The following CCDC171 variants were observed in gnomAD, a reference collection of about 807,000 sequenced individuals.
CCDC171 encodes the protein coiled-coil domain-containing protein 171.
In CCDC171, 177 loss-of-function variants were observed where a neutral mutation model predicts 168.2. That is an observed-to-expected ratio of 1.05 (90% CI 0.93 to 1.19). CCDC171 has a LOEUF of 1.19. CCDC171 is among the 50% of genes most tolerant of loss of function. The pLI is 0.00. For missense variants in CCDC171, 1,991 were observed against 1,539.0 expected, an observed-to-expected ratio of 1.29 and a Z score of -4.91; for synonymous variants, 687 against 540.8, an observed-to-expected ratio of 1.27 and a Z score of -3.75.
chr9:15,627,643 A>C (rs1260911167), intron 7 of CCDC171, among the ~76,000 whole-genome samples: 1 of 152,180 alleles, frequency 6.6e-6, no homozygotes, highest in Non-Finnish European at 1.5e-5. Context: ...TGAGTTTCTT[A>C]ATCCTGAGTT....
chr9:15,977,230 C>T (rs1033122950), downstream of CCDC171, among the ~76,000 whole-genome samples: 3 of 152,098 alleles, frequency 2.0e-5, no homozygotes, highest in African/African-American at 7.2e-5. Flanking sequence ...TTCTGAACCT[C>T]CCCCTGCATA....
chr9:15,820,394 A>G lies in CCDC171; in HGVS notation c.3268-26308A>G, dbSNP rs1381480809. Among the ~76,000 whole-genome samples the G allele has an allele frequency of 1.7e-5, 2 of 115,962 alleles. 1 individual carries two copies. Among genetic ancestry groups the G allele is most frequent in the Non-Finnish European group, 3.8e-5 (2 of 52,078 alleles). 76.1% of individuals were successfully genotyped at this position (115,962 alleles called of 152,430 possible). ...AAAAAACCCTTCAAAAAATCAATGA[A>G]TCCAGGAGCTGGTTTTTTGAAAAGA... On this transcript the variant is annotated intron_variant, in intron 21 of 25. Transcript: ENST00000380701.
rs117219156 is a variant in CCDC171, at chr9:15,917,720, A to G, written c.3601-2550A>G. Among the ~76,000 whole-genome samples the G allele has an allele frequency of 5.1e-3, 779 of 151,762 alleles. 4 individuals are homozygous for G. The highest frequency in any genetic ancestry group is 8.6e-3 in the Non-Finnish European group (584 of 67,650). On this transcript the variant is annotated intron_variant, in intron 24 of 25. Coordinates refer to ENST00000380701, the MANE Select transcript of CCDC171 (RefSeq NM_173550.4). Reference sequence around the variant, plus strand: ...TGTTTCTCCAAGGTTAGAAAATGGGATAACTTTTAAAATGTGGAACTTTTA... The same window carrying G: ...TGTTTCTCCAAGGTTAGAAAATGGGGTAACTTTTAAAATGTGGAACTTTTA...
intron 18 of CCDC171, among the ~76,000 whole-genome samples, chr9:15,753,940 C>A (rs2055926681): frequency 2.0e-5 from 3 of 152,104 alleles, no homozygotes; most frequent in Admixed American, 1.3e-4. Context: ...TATAACTTGA[C>A]CATCTGAGCT....
intron 24 of CCDC171, among the ~76,000 whole-genome samples, chr9:15,905,521 C>T (rs1409206807): frequency 4.6e-5 from 7 of 152,042 alleles, no homozygotes; most frequent in South Asian, 4.2e-4. Flanking sequence ...ACATTCAAAG[C>T]AGTGTGTAGA....
chr9:15,997,429 A>C (rs1334107639), intron 3 of CCDC171, among the ~76,000 whole-genome samples: 2 of 152,182 alleles, frequency 1.3e-5, no homozygotes, highest in Non-Finnish European at 2.9e-5. Flanking sequence ...CACTTTTTGC[A>C]GCTAAAAAAT....
intron 4 of CCDC171, among the ~76,000 whole-genome samples, chr9:15,587,047 A>T (rs2041619524): frequency 1.3e-5 from 2 of 152,300 alleles, no homozygotes; most frequent in South Asian, 2.1e-4. Flanking sequence ...CCTTGGCCAC[A>T]ATCAATCCTC....
At chr9:15,571,113 C>T (rs368221303) in intron 2 of CCDC171, among the ~76,000 whole-genome samples, 1 of 152,164 alleles carries the variant, frequency 6.6e-6, no homozygotes, top group African/African-American at 2.4e-5. Flanking sequence ...TTTCAGCTTC[C>T]AGTAATTGGT....
chr9:15,703,471 A>AT (rs1041032332), intron 11 of CCDC171, among the ~76,000 whole-genome samples: 17 of 151,318 alleles, frequency 1.1e-4, no homozygotes, highest in Non-Finnish European at 2.1e-4. Context: ...CATGAGATCA[A>AT]TTTTTTTTTA....
At chr9:16,059,409 C>G (rs1003750979) in intron 1 of CCDC171, among the ~76,000 whole-genome samples, 5 of 151,820 alleles carry the variant, frequency 3.3e-5, no homozygotes, top group Admixed American at 6.6e-5. Flanking sequence ...AGAGGACTTC[C>G]ACACTGTGAG....
At position 15,839,394 on chromosome 9, in the gene CCDC171, A is replaced by G. The variant is rs115584174; in HGVS notation, c.3268-7308A>G. 5.8e-3 allele frequency among the ~76,000 whole-genome samples: 886 copies of G among 152,278 alleles called. 12 individuals are homozygous for G. Among genetic ancestry groups the G allele is most frequent in the African/African-American group, 0.021 (855 of 41,564 alleles). ...AAAATCTGAAGACGTTGTTACTAAT[A>G]CTACTGTAGTACAGAGTTTAGAGGA... is the stretch of plus-strand genomic sequence containing the variant. On this transcript the variant is annotated intron_variant, in intron 21 of 25. Coordinates refer to ENST00000380701, the MANE Select transcript of CCDC171 (RefSeq NM_173550.4).
chr9:16,050,088 T>C (rs916770435), intron 1 of CCDC171, among the ~76,000 whole-genome samples: 1 of 152,130 alleles, frequency 6.6e-6, no homozygotes, highest in Non-Finnish European at 1.5e-5. Flanking sequence ...AGTTTTGCCA[T>C]GTTGGCCAGG....
intron 6 of CCDC171, among the ~76,000 whole-genome samples, chr9:15,611,445 A>G (rs10962099): frequency 0.41 from 62,537 of 152,000 alleles, 14,613 homozygotes; most frequent in East Asian, 0.76. Context: ...CCTTGCATTG[A>G]ATTAGGGAAC....
chr9:15,639,967 A>G (rs2046472629), intron 7 of CCDC171, among the ~76,000 whole-genome samples: 1 of 152,204 alleles, frequency 6.6e-6, no homozygotes, highest in Non-Finnish European at 1.5e-5. Flanking sequence ...AAATGCTTAT[A>G]GATGTGTCAG....
At chr9:15,666,470 A>G (rs1387994566) in intron 9 of CCDC171, 147 bp downstream of exon 9, 11 of 568,544 alleles carry the variant, frequency 1.9e-5, no homozygotes, top group East Asian at 5.8e-5. Flanking sequence ...AAACATAACT[A>G]TACTTTCCTG....
At chr9:15,966,107 G>A (rs930695221) in intron 25 of CCDC171, among the ~76,000 whole-genome samples, 11 of 152,032 alleles carry the variant, frequency 7.2e-5, no homozygotes, top group Admixed American at 3.9e-4. Context: ...GTTTTATAGC[G>A]GAAATATAAG....
downstream of CCDC171, chr9:16,061,586 A>C (rs936447590): frequency 6.6e-6 from 1 of 152,240 alleles, no homozygotes; most frequent in Non-Finnish European, 1.5e-5. Context: ...GAAAGAATGC[A>C]TTCACAGAAA....
chr9:15,641,223 C>T (rs563782720), intron 7 of CCDC171, among the ~76,000 whole-genome samples: 1 of 152,076 alleles, frequency 6.6e-6, no homozygotes, highest in Non-Finnish European at 1.5e-5. Context: ...CTTTGTGCAA[C>T]TAATGAGGAA....
intron 13 of CCDC171, 31 bp downstream of exon 13, chr9:15,723,777 A>T (rs758213302): frequency 6.5e-6 from 7 of 1,077,100 alleles, no homozygotes; most frequent in Admixed American, 4.4e-5. Context: ...TACCTTTTGT[A>T]TTAAGAAACA....
Sources: allele counts gnomAD v4.1 joint callset (sites outside exome capture counted in the v4.1 genomes callset), GRCh38; gene constraint gnomAD v4.1.1; transcripts MANE v1.5; gene names NCBI Gene and HGNC (gene_info 2026-07-23, HGNC 2026-07-21).